FAM13C: variants seen among roughly 807,000 people sequenced by gnomAD.
The protein encoded by FAM13C is protein FAM13C.
Under a neutral mutation model 73.2 loss-of-function variants are expected in FAM13C, and 37 were observed. The observed-to-expected ratio is 0.51, with a 90% CI of 0.39 to 0.67. The LOEUF (loss-of-function observed/expected upper bound fraction) is 0.67. Among genes scored for constraint, FAM13C ranks in the 30% least tolerant of loss-of-function variants. FAM13C has a pLI of 0.00. For synonymous variants in FAM13C, 246 were observed against 260.9 expected, an observed-to-expected ratio of 0.94 and a Z score of 0.55; for missense variants, 589 against 715.6, an observed-to-expected ratio of 0.82 and a Z score of 2.02.
At chr10:59,276,754 A>G (rs751925673) in intron 6 of FAM13C, among the ~76,000 whole-genome samples, 1 of 152,200 alleles carries the variant, frequency 6.6e-6, no homozygotes, top group African/African-American at 2.4e-5. Flanking sequence ...ACAACCATTG[A>G]TATGAAAATA....
At chr10:59,342,986 T>A (rs1853705670) in intron 3 of FAM13C, among the ~76,000 whole-genome samples, 1 of 152,250 alleles carries the variant, frequency 6.6e-6, no homozygotes, top group African/African-American at 2.4e-5. Flanking sequence ...AGCTCCCATA[T>A]CTGACAATAT....
At chr10:59,270,325 C>T (rs186455389) in intron 6 of FAM13C, 1 of 554,486 alleles carries the variant, frequency 1.8e-6, no homozygotes, top group Admixed American at 3.5e-5. Flanking sequence ...ACAAAGGAAA[C>T]AAATAAGTTT....
chr10:59,322,916 T>C (rs2134019883), intron 4 of FAM13C, among the ~76,000 whole-genome samples: 1 of 152,250 alleles, frequency 6.6e-6, no homozygotes, highest in South Asian at 2.1e-4. Context: ...AGTAAACACA[T>C]AAAAGAAGTC....
chr10:59,276,830 A>G (rs1401617786), intron 6 of FAM13C, among the ~76,000 whole-genome samples: 4 of 152,198 alleles, frequency 2.6e-5, no homozygotes, highest in Non-Finnish European at 5.9e-5. Context: ...ACAAAACTGA[A>G]TGATGATTGG....
chr10:59,264,704 G>A (rs1049587021), intron 8 of FAM13C, among the ~76,000 whole-genome samples: 1 of 152,080 alleles, frequency 6.6e-6, no homozygotes, highest in African/African-American at 2.4e-5. Flanking sequence ...AGGAGACTCC[G>A]GAATCTCTAA....
chr10:59,302,014 T>G (rs1450772525), intron 5 of FAM13C, among the ~76,000 whole-genome samples: 6 of 46,540 alleles, frequency 1.3e-4, no homozygotes, highest in Non-Finnish European at 2.3e-4. Context: ...AAACGTCAAA[T>G]AAACAATTTG....
At chr10:59,351,297 A>T (rs1345309134) in intron 3 of FAM13C, among the ~76,000 whole-genome samples, 1 of 146,304 alleles carries the variant, frequency 6.8e-6, no homozygotes, top group African/African-American at 2.5e-5. Flanking sequence ...GTGCCACTGC[A>T]CTCCAGCCTG....
intron 5 of FAM13C, among the ~76,000 whole-genome samples, chr10:59,291,732 T>C (rs1846242237): frequency 6.6e-6 from 1 of 151,438 alleles, no homozygotes; most frequent in Non-Finnish European, 1.5e-5. Flanking sequence ...CTTTATTAAA[T>C]GAACAATAAG....
chr10:59,247,746 C>CA lies in FAM13C; in HGVS notation c.1635-10dup. 1 of 1,604,846 alleles carries CA rather than the reference C, an allele frequency of 6.2e-7. No individual in the cohort carries two copies. Among genetic ancestry groups the CA allele is most frequent in the Non-Finnish European group, 8.5e-7 (1 of 1,176,126 alleles). ...CTTCCTTTTGTGGACTTCTGCAAAA[C>CA]AAAAATACATTTGTTAGTTCACAAT... On this transcript the variant is annotated splice_polypyrimidine_tract_variant and intron_variant, in intron 13 of 13. Transcript: ENST00000618804.
intron 3 of FAM13C, among the ~76,000 whole-genome samples, chr10:59,338,272 C>T (rs954635762): frequency 2.6e-5 from 4 of 152,108 alleles, no homozygotes; most frequent in Non-Finnish European, 5.9e-5. Flanking sequence ...CTGCCTGTTC[C>T]TCTCACTGTT....
chr10:59,333,581 T>C (rs1213227390), intron 3 of FAM13C, among the ~76,000 whole-genome samples: 1 of 152,208 alleles, frequency 6.6e-6, no homozygotes, highest in Admixed American at 6.5e-5. Flanking sequence ...TATTCCTTTT[T>C]TGGGGGCTGA....
intron 4 of FAM13C, among the ~76,000 whole-genome samples, chr10:59,303,488 G>A (rs1375289960): frequency 6.6e-6 from 1 of 152,188 alleles, no homozygotes; most frequent in Non-Finnish European, 1.5e-5. Context: ...GAATGAATGT[G>A]ATCTGATACA....
At chr10:59,265,987 C>T (rs937549977) in intron 8 of FAM13C, among the ~76,000 whole-genome samples, 1 of 152,120 alleles carries the variant, frequency 6.6e-6, no homozygotes, top group East Asian at 1.9e-4. Context: ...AAATTGACCT[C>T]CTAAGTGCCA....
At chr10:59,284,163 T>C (rs1845273085) in intron 5 of FAM13C, among the ~76,000 whole-genome samples, 1 of 152,086 alleles carries the variant, frequency 6.6e-6, no homozygotes, top group South Asian at 2.1e-4. Flanking sequence ...GCAATTTATC[T>C]TTCATAGCCC....
chr10:59,302,823 T>G lies in FAM13C; in HGVS notation c.485A>C (p.Glu162Ala). ...RTAISPKDAF[E>A]TRQDLNEEEA... ...TACCTCATTTAAGTCCTGCCGAGTT[T>G]CAAAAGCATCCTTTGGCGAAATGGC... The change falls in exon 5 of 14, where the codon GAA (glutamate) becomes GCA (alanine). Residue 162 changes from glutamate to alanine, a missense_variant. Transcript: ENST00000618804. 1 of 1,614,146 alleles carries G rather than the reference T, an allele frequency of 6.2e-7. No homozygotes were observed. Among genetic ancestry groups the G allele is most frequent in the Non-Finnish European group, 8.5e-7 (1 of 1,179,996 alleles).
intron 5 of FAM13C, among the ~76,000 whole-genome samples, chr10:59,294,079 A>C (rs1846607700): frequency 6.6e-6 from 1 of 152,192 alleles, no homozygotes; most frequent in African/African-American, 2.4e-5. Context: ...CAAAATGAAA[A>C]TTTTAAGAAC....
chr10:59,360,960 G>A, intron 1 of FAM13C: 2 of 1,224,824 alleles, frequency 1.6e-6, no homozygotes, highest in Non-Finnish European at 2.1e-6. Flanking sequence ...GCCACACCAG[G>A]CTCCTGAGAA....
intron 3 of FAM13C, among the ~76,000 whole-genome samples, chr10:59,327,130 T>C (rs1851257752): frequency 6.6e-6 from 1 of 152,044 alleles, no homozygotes; most frequent in Non-Finnish European, 1.5e-5. Context: ...CAGCCTGGCA[T>C]GTAACAACAC....
chr10:59,265,319 T>TGGGGAGGG (rs1554811296), intron 8 of FAM13C, among the ~76,000 whole-genome samples: 2 of 2,292 alleles, frequency 8.7e-4, no homozygotes, highest in African/African-American at 1.0e-3. Context: ...GAAGGGGTTT[T>TGGGGAGGG]GGCGGGGGGG....
Sources: gnomAD v4.1 joint callset for allele counts (sites outside exome capture counted in the v4.1 genomes callset) on GRCh38, gnomAD v4.1.1 for gene constraint, MANE v1.5 for transcripts, NCBI Gene and HGNC (gene_info 2026-07-23, HGNC 2026-07-21) for gene names.